Variants in ADAMTS3 observed in about 807,000 individuals in gnomAD.
The protein encoded by ADAMTS3 is A disintegrin and metalloproteinase with thrombospondin motifs 3.
A neutral mutation model predicts 129.0 loss-of-function variants in ADAMTS3; 73 were observed. The observed-to-expected ratio is 0.57, with a 90% CI of 0.47 to 0.69. The LOEUF (loss-of-function observed/expected upper bound fraction) is 0.69. ADAMTS3 is among the 30% of genes least tolerant of loss of function. The pLI, the probability that ADAMTS3 is intolerant of heterozygous loss-of-function variation, is 0.00. For synonymous variants in ADAMTS3, 477 were observed against 510.8 expected, an observed-to-expected ratio of 0.93 and a Z score of 0.89; for missense variants, 1,457 against 1,514.5, an observed-to-expected ratio of 0.96 and a Z score of 0.63.
rs575606494 is a variant in ADAMTS3, at chr4:72,392,583, C to T, written c.661+22232G>A. ...GGTAAGATGCTAGCTAGGTTTAAGG[C>T]ACACACTAGTTTTCTTCAAGAACAG... On this transcript the variant is annotated intron_variant, in intron 4 of 21. Coordinates refer to ENST00000286657, the MANE Select transcript of ADAMTS3 (RefSeq NM_014243.3). 4.6e-5 allele frequency among the ~76,000 whole-genome samples: 7 copies of T among 152,258 alleles called. No homozygotes were observed. In the East Asian group the frequency reaches 5.8e-4, roughly 13 times the overall value.
At chr4:72,470,239 G>A (rs1272180322) in intron 3 of ADAMTS3, among the ~76,000 whole-genome samples, 1 of 151,704 alleles carries the variant, frequency 6.6e-6, no homozygotes, top group Admixed American at 6.6e-5. Flanking sequence ...TTGGTCATGG[G>A]CAAAATGGCA....
At chr4:72,436,492 C>A (rs1423767551) in intron 3 of ADAMTS3, among the ~76,000 whole-genome samples, 1 of 152,044 alleles carries the variant, frequency 6.6e-6, no homozygotes, top group African/African-American at 2.4e-5. Flanking sequence ...TTGACCCAGC[C>A]ATCCCATTAC....
chr4:72,506,080 G>A (rs959817191), intron 3 of ADAMTS3, among the ~76,000 whole-genome samples: 4 of 152,182 alleles, frequency 2.6e-5, no homozygotes, highest in African/African-American at 7.2e-5. Context: ...AGAAAGATGC[G>A]GTGACTCAGG....
chr4:72,339,796 C>T (rs1720088957), intron 4 of ADAMTS3, 103 bp from the exon 5 acceptor site: 1 of 882,132 alleles, frequency 1.1e-6, no homozygotes, highest in South Asian at 1.5e-5. Flanking sequence ...CAGTATCATT[C>T]ATAATCACTG....
intron 12 of ADAMTS3, 81 bp from the exon 13 acceptor site, chr4:72,312,547 C>A (rs1018947652): frequency 2.9e-6 from 4 of 1,389,184 alleles, no homozygotes; most frequent in Admixed American, 2.2e-5. Flanking sequence ...CTTGAGGGCA[C>A]AAAGCCAAAG....
At chr4:72,293,551 T>C (rs1266238754) in intron 19 of ADAMTS3, among the ~76,000 whole-genome samples, 1 of 152,134 alleles carries the variant, frequency 6.6e-6, no homozygotes, top group Non-Finnish European at 1.5e-5. Context: ...AAGAAATTGA[T>C]TCTGTTCTAT....
At chr4:72,469,616 G>A (rs1228093560) in intron 3 of ADAMTS3, among the ~76,000 whole-genome samples, 1 of 152,084 alleles carries the variant, frequency 6.6e-6, no homozygotes, top group South Asian at 2.1e-4. Flanking sequence ...AAGCACAGGT[G>A]ACTCTTGAAC....
intron 4 of ADAMTS3, among the ~76,000 whole-genome samples, chr4:72,356,286 C>A (rs1720579701): frequency 6.6e-6 from 1 of 151,746 alleles, no homozygotes; most frequent in African/African-American, 2.4e-5. Flanking sequence ...TAAAAAAAAA[C>A]TGGAGGTAAT....
At chr4:72,365,713 A>G (rs1434249449) in intron 4 of ADAMTS3, among the ~76,000 whole-genome samples, 1 of 152,212 alleles carries the variant, frequency 6.6e-6, no homozygotes, top group African/African-American at 2.4e-5. Context: ...GGATGGTACT[A>G]AAAAATATTC....
intron 20 of ADAMTS3, among the ~76,000 whole-genome samples, chr4:72,289,827 G>A (rs749208736): frequency 8.5e-5 from 13 of 152,164 alleles, no homozygotes; most frequent in Non-Finnish European, 1.3e-4. Flanking sequence ...ACCCTCTCCA[G>A]ATGCCAGTGC....
chr4:72,368,688 T>C (rs965836768), intron 4 of ADAMTS3, among the ~76,000 whole-genome samples: 1 of 152,238 alleles, frequency 6.6e-6, no homozygotes, highest in East Asian at 1.9e-4. Flanking sequence ...GGACCAGTGA[T>C]TGATGCCAAA....
chr4:72,299,508 G>A lies in ADAMTS3; in HGVS notation c.2425-1066C>T, dbSNP rs115296499. Among the ~76,000 whole-genome samples the A allele has an allele frequency of 8.7e-3, 1,329 of 152,140 alleles. 25 individuals carry two copies. The highest frequency in any genetic ancestry group is 0.03 in the African/African-American group (1,255 of 41,502). ...CCCAACCTTTGTGGGGATTTCTGGC[G>A]TTTCTTAGTAGACTGAAGGGAACAA... On this transcript the variant is annotated intron_variant, in intron 17 of 21. Transcript: ENST00000286657.
intron 3 of ADAMTS3, among the ~76,000 whole-genome samples, chr4:72,471,316 C>T (rs977554371): frequency 1.3e-5 from 2 of 152,072 alleles, no homozygotes; most frequent in Admixed American, 6.6e-5. Flanking sequence ...GTCAATAATG[C>T]AATAACTTCT....
intron 3 of ADAMTS3, among the ~76,000 whole-genome samples, chr4:72,425,180 G>A (rs1722538142): frequency 6.6e-6 from 1 of 152,088 alleles, no homozygotes; most frequent in Non-Finnish European, 1.5e-5. Flanking sequence ...CTCAGAAAAA[G>A]TTGAGGAAGC....
intron 3 of ADAMTS3, among the ~76,000 whole-genome samples, chr4:72,523,597 TA>T (rs1720731125): frequency 6.6e-6 from 1 of 152,110 alleles, no homozygotes; most frequent in Admixed American, 6.5e-5. Context: ...GATCTATATT[TA>T]AAACTTTTCC....
At chr4:72,528,329 G>T (rs1194179654) in intron 3 of ADAMTS3, among the ~76,000 whole-genome samples, 1 of 151,850 alleles carries the variant, frequency 6.6e-6, no homozygotes, top group Non-Finnish European at 1.5e-5. Context: ...GTGAGGATTT[G>T]GTCAAGATGA....
intron 3 of ADAMTS3, among the ~76,000 whole-genome samples, chr4:72,545,680 G>C (rs1044846259): frequency 4.6e-5 from 7 of 152,202 alleles, no homozygotes; most frequent in African/African-American, 1.7e-4. Flanking sequence ...AATCCATGAA[G>C]GCACAGATAT....
intron 5 of ADAMTS3, among the ~76,000 whole-genome samples, chr4:72,327,218 T>C (rs1719721617): frequency 6.6e-6 from 1 of 152,060 alleles, no homozygotes; most frequent in Non-Finnish European, 1.5e-5. Context: ...TCAAATAATA[T>C]AGAGAAAGAA....
chr4:72,401,024 G>A (rs536573847), intron 4 of ADAMTS3, among the ~76,000 whole-genome samples: 26 of 150,738 alleles, frequency 1.7e-4, no homozygotes, highest in South Asian at 2.1e-4. Flanking sequence ...GCCATTAGTC[G>A]TATGCAACTA....
Sources: allele counts gnomAD v4.1 joint callset (sites outside exome capture counted in the v4.1 genomes callset), GRCh38; gene constraint gnomAD v4.1.1; transcripts MANE v1.5; gene names NCBI Gene and HGNC (gene_info 2026-07-23, HGNC 2026-07-21).